CACNG5: variants seen among roughly 807,000 people sequenced by gnomAD.
The protein encoded by CACNG5 is voltage-dependent calcium channel gamma-5 subunit.
In CACNG5, 18 loss-of-function variants were observed where a neutral mutation model predicts 24.8. The observed-to-expected ratio is 0.73, with a 90% CI of 0.50 to 1.08. CACNG5 has a LOEUF of 1.08. Among genes scored for constraint, CACNG5 ranks in the 50% least tolerant of loss-of-function variants. The pLI, the probability that CACNG5 is intolerant of heterozygous loss-of-function variation, is 0.00. For synonymous variants in CACNG5, 157 were observed against 149.1 expected (o/e 1.05, Z -0.39); for missense variants, 349 against 367.9 (o/e 0.95, Z 0.42).
chr17:66,841,830 A>G (rs1976573817), intron 1 of CACNG5, among the ~76,000 whole-genome samples: 1 of 152,226 alleles, frequency 6.6e-6, no homozygotes, highest in African/African-American at 2.4e-5. Context: ...GTCAAGGGTC[A>G]GGTGTGTTTT....
At chr17:66,862,591 G>A (rs3848411) in intron 1 of CACNG5, among the ~76,000 whole-genome samples, 6 of 151,760 alleles carry the variant, frequency 4.0e-5, no homozygotes, top group Non-Finnish European at 7.4e-5. Flanking sequence ...ATGGAACTTC[G>A]TCATATGTAA....
chr17:66,865,021 C>T lies in CACNG5; in HGVS notation c.-103-12209C>T, dbSNP rs886817731. On this transcript the variant is annotated intron_variant, in intron 1 of 5. Coordinates refer to ENST00000533854, the MANE Select transcript of CACNG5 (RefSeq NM_145811.3). ...AAGCCATCCTGCTGCCTCAGCCTCC[C>T]AAGTGTTGAGATTACAGGCATGAGC... Among the ~76,000 whole-genome samples, 5 of 152,110 alleles carry T rather than the reference C, an allele frequency of 3.3e-5. No individual in the cohort carries two copies. The East Asian group carries it at 7.7e-4, about 23-fold the overall frequency.
Position 66,889,547 on chromosome 17 carries a change from G to T in CACNG5, c.*4307G>T, listed in dbSNP as rs893759509. ...CAGGATGAATATATAGAGAGAGAAA[G>T]ATTTATTTTAAGGAATTAGCTCAAG... On this transcript the variant is annotated 3_prime_UTR_variant, in exon 6 of 6. Transcript: ENST00000533854. 1.3e-5 allele frequency among the ~76,000 whole-genome samples: 2 copies of T among 152,178 alleles called. No individual in the cohort carries two copies. Among genetic ancestry groups the T allele is most frequent in the Non-Finnish European group, 2.9e-5 (2 of 68,034 alleles).
chr17:66,884,920 C>A, intron 5 of CACNG5, 63 bp from the exon 6 acceptor site: 1 of 1,613,958 alleles, frequency 6.2e-7, no homozygotes, highest in South Asian at 1.1e-5. Context: ...GTGCAGACCC[C>A]AGCCAAGGGA....
At chr17:66,841,806 A>T (rs557950967) in intron 1 of CACNG5, among the ~76,000 whole-genome samples, 1 of 152,282 alleles carries the variant, frequency 6.6e-6, no homozygotes, top group South Asian at 2.1e-4. Flanking sequence ...CTATTTCTGG[A>T]ACGTCTGCTC....
Position 66,892,045 on chromosome 17 carries a change from C to G in CACNG5, c.*6805C>G, listed in dbSNP as rs912842411. 6.6e-6 allele frequency among the ~76,000 whole-genome samples: 1 copy of G among 152,226 alleles called. No homozygotes were observed. Among genetic ancestry groups the G allele is most frequent in the Non-Finnish European group, 1.5e-5 (1 of 68,036 alleles). On this transcript the variant is annotated 3_prime_UTR_variant, in exon 6 of 6. Coordinates refer to ENST00000533854, the MANE Select transcript of CACNG5 (RefSeq NM_145811.3). ...CTGGCTTAGACCTACTGGGATTTATCACTGTAGCTGGGGATAAGGCCACCT... is the reference window on the plus strand; with the variant it reads ...CTGGCTTAGACCTACTGGGATTTATGACTGTAGCTGGGGATAAGGCCACCT...
chr17:66,862,898 G>C (rs201193572), intron 1 of CACNG5, among the ~76,000 whole-genome samples: 3,057 of 58,558 alleles, frequency 0.052, 74 homozygotes, highest in African/African-American at 0.11. Flanking sequence ...TTCTCTGTGT[G>C]TGTGTGTGTG....
In CACNG5 at chr17:66,877,485, GAT is replaced by G; in HGVS notation, c.154_155del (p.Met52ValfsTer15). On this transcript the variant is annotated frameshift_variant, in exon 2 of 6. Coordinates refer to ENST00000533854, the MANE Select transcript of CACNG5 (RefSeq NM_145811.3). LOFTEE classifies it high-confidence loss of function. ...VPQNQSTEIK[M>X]SLHSGLWRVC... The stretch of plus-strand genomic sequence containing the variant: ...CCCAGAACCAGAGCACCGAGATCAA[GAT>G]GTCCCTGCACTCAGGCCTCTGGCGG... 1 of 1,614,054 alleles carries G rather than the reference GAT, an allele frequency of 6.2e-7. No individual in the cohort carries two copies. Among genetic ancestry groups the G allele is most frequent in the Non-Finnish European group, 8.5e-7 (1 of 1,180,002 alleles).
At position 66,862,892 on chromosome 17, in the gene CACNG5, C is replaced by CTGTGTGTGTGTG. The variant is rs56308917; in HGVS notation, c.-103-14302_-103-14291dup. On this transcript the variant is annotated intron_variant, in intron 1 of 5. Transcript: ENST00000533854. ...ACAACCTTGTCTGCCAGCATATTCTCTGTGTGTGTGTGTGTGTGTGTGTGT... is the reference window on the plus strand; with the variant it reads ...ACAACCTTGTCTGCCAGCATATTCTCTGTGTGTGTGTGTGTGTGTGTGTGTGTGTGTGTGTGT... Among the ~76,000 whole-genome samples, 722 of 142,178 alleles carry CTGTGTGTGTGTG rather than the reference C, an allele frequency of 5.1e-3. 11 individuals carry two copies. Among genetic ancestry groups the CTGTGTGTGTGTG allele is most frequent in the African/African-American group, 0.016 (611 of 37,610 alleles). 93.3% of individuals were successfully genotyped at this position (142,178 alleles called of 152,430 possible).
At position 66,893,235 on chromosome 17, in the gene CACNG5, C is replaced by A. The variant is rs1362651717; in HGVS notation, c.*7995C>A. Among the ~76,000 whole-genome samples, 2 of 152,104 alleles carry A rather than the reference C, an allele frequency of 1.3e-5. No individual in the cohort carries two copies. Among genetic ancestry groups the A allele is most frequent in the Non-Finnish European group, 2.9e-5 (2 of 68,026 alleles). ...TAAATGTTCTGCATGGTAAATGTACCCTCTTCTATAATCAGAGAAATAATC... is the reference window on the plus strand; with the variant it reads ...TAAATGTTCTGCATGGTAAATGTACACTCTTCTATAATCAGAGAAATAATC... On this transcript the variant is annotated 3_prime_UTR_variant, in exon 6 of 6. Coordinates refer to ENST00000533854, the MANE Select transcript of CACNG5 (RefSeq NM_145811.3).
chr17:66,869,011 G>A (rs1451693754), intron 1 of CACNG5, among the ~76,000 whole-genome samples: 1 of 152,116 alleles, frequency 6.6e-6, no homozygotes, highest in African/African-American at 2.4e-5. Context: ...CTTTTCAGGG[G>A]CAAATTTACC....
At chr17:66,845,127 T>C (rs1976619045) in intron 1 of CACNG5, among the ~76,000 whole-genome samples, 1 of 152,086 alleles carries the variant, frequency 6.6e-6, no homozygotes, top group African/African-American at 2.4e-5. Context: ...AAAGAATGAG[T>C]TCATGTCCTT....
chr17:66,858,771 G>T (rs1976817267), intron 1 of CACNG5, among the ~76,000 whole-genome samples: 1 of 147,356 alleles, frequency 6.8e-6, no homozygotes, highest in Non-Finnish European at 1.5e-5. Context: ...TCCCTCCCCA[G>T]GCCTCTTATT....
chr17:66,835,846 C>G (rs1976476252), intron 1 of CACNG5, among the ~76,000 whole-genome samples: 2 of 152,144 alleles, frequency 1.3e-5, no homozygotes, highest in East Asian at 3.9e-4. Context: ...ATGGGGACCC[C>G]ACCGCAGGTG....
Position 66,877,488 on chromosome 17 carries a change from G to A in CACNG5, c.156G>A (p.Met52Ile), listed in dbSNP as rs2143112577. Residue 52 changes from methionine (M) to isoleucine (I), a missense_variant, in exon 2 of 6, where the codon ATG (methionine) becomes ATA (isoleucine). Met to Ile is a conservative substitution (Grantham distance 10). Transcript: ENST00000533854. ...VPQNQSTEIK[M>I]SLHSGLWRVC... is the part of the protein sequence containing the mutation. ...AGAACCAGAGCACCGAGATCAAGAT[G>A]TCCCTGCACTCAGGCCTCTGGCGGG... The A allele has an allele frequency of 6.2e-7, 1 of 1,614,030 alleles. No individual in the cohort carries two copies. Among genetic ancestry groups the A allele is most frequent in the Middle Eastern group, 1.6e-4 (1 of 6,062 alleles).
Position 66,884,154 on chromosome 17 carries a change from A to G in CACNG5, c.425-362A>G, listed in dbSNP as rs547343062. ...CCTCAAAAAAAGAAAAAAAAAAAAAAAAGAAGAAAATACAGTGCCAGGTCC... is the reference window on the plus strand; with the variant it reads ...CCTCAAAAAAAGAAAAAAAAAAAAAGAAGAAGAAAATACAGTGCCAGGTCC... On this transcript the variant is annotated intron_variant, in intron 4 of 5. Coordinates refer to ENST00000533854, the MANE Select transcript of CACNG5 (RefSeq NM_145811.3). Among the ~76,000 whole-genome samples the G allele has an allele frequency of 3.7e-3, 563 of 151,878 alleles. 5 individuals are homozygous for G. Among genetic ancestry groups the G allele is most frequent in the African/African-American group, 0.013 (525 of 41,420 alleles).
intron 1 of CACNG5, among the ~76,000 whole-genome samples, chr17:66,849,867 G>A (rs1036849795): frequency 1.9e-4 from 29 of 152,326 alleles, no homozygotes; most frequent in Admixed American, 1.4e-3. Context: ...TGATTCTGCC[G>A]TTGCCTTTCC....
At chr17:66,877,008 T>C (rs1977087306) in intron 1 of CACNG5, among the ~76,000 whole-genome samples, 1 of 151,852 alleles carries the variant, frequency 6.6e-6, no homozygotes, top group African/African-American at 2.4e-5. Context: ...AATGAATGAA[T>C]GAATGAATGG....
intron 4 of CACNG5, among the ~76,000 whole-genome samples, chr17:66,882,937 TTCCATCCATCCATCCA>T (rs113055446): frequency 4.7e-5 from 7 of 150,520 alleles, no homozygotes; most frequent in Admixed American, 2.6e-4. Flanking sequence ...TTCTTTCTCC[TTCCATCCATCCATCCA>T]TCCATCCATC....
Sources: gnomAD v4.1 joint callset for allele counts (sites outside exome capture counted in the v4.1 genomes callset) on GRCh38, gnomAD v4.1.1 for gene constraint, MANE v1.5 for transcripts, NCBI Gene and HGNC (gene_info 2026-07-23, HGNC 2026-07-21) for gene names.